ATG16L2: variants seen among roughly 807,000 people sequenced by gnomAD.
ATG16L2 encodes the protein autophagy related 16 like 2, also known as protein Atg16l2.
Under a neutral mutation model 84.7 loss-of-function variants are expected in ATG16L2, and 77 were observed. That is an observed-to-expected ratio of 0.91 (90% CI 0.76 to 1.10). ATG16L2 has a LOEUF of 1.10. Ranked by LOEUF, ATG16L2 falls within the 50% of genes least tolerant of loss-of-function variation. ATG16L2 has a pLI of 0.00. For synonymous variants in ATG16L2, 361 were observed against 342.8 expected, an observed-to-expected ratio of 1.05 and a Z score of -0.59; for missense variants, 782 against 817.6, an observed-to-expected ratio of 0.96 and a Z score of 0.53.
chr11:72,828,568 T>C, intron 15 of ATG16L2, 60 bp downstream of exon 15: 2 of 1,609,366 alleles, frequency 1.2e-6, no homozygotes, highest in South Asian at 2.2e-5. Context: ...GCCTCTCTTC[T>C]CCTGTAATAG....
At chr11:72,814,657 G>T (rs1859600181) in intron 1 of ATG16L2, 94 bp downstream of exon 1, 2 of 1,050,982 alleles carry the variant, frequency 1.9e-6, no homozygotes, top group Non-Finnish European at 2.7e-6. Flanking sequence ...CCTGTGACCC[G>T]AGTGCGCTGT....
intron 5 of ATG16L2, among the ~76,000 whole-genome samples, chr11:72,836,092 T>A (rs1860720806): frequency 6.6e-6 from 1 of 152,212 alleles, no homozygotes; most frequent in African/African-American, 2.4e-5. Flanking sequence ...CTTAAGAGTC[T>A]TATGCACAGG....
At chr11:72,829,204 A>G in intron 17 of ATG16L2, 99 bp from the exon 18 acceptor site, 1 of 1,334,606 alleles carries the variant, frequency 7.5e-7, no homozygotes, top group South Asian at 1.3e-5. Flanking sequence ...CAGGCTCAAG[A>G]GAGGGCCTCA....
At chr11:72,824,238 G>C (rs563936338) in intron 8 of ATG16L2, 116 bp downstream of exon 8, 1 of 1,326,054 alleles carries the variant, frequency 7.5e-7, no homozygotes, top group African/African-American at 1.4e-5. Flanking sequence ...CTGTCTGCCT[G>C]TGAGTCTGTT....
intron 10 of ATG16L2, 131 bp from the exon 11 acceptor site, chr11:72,826,042 C>T (rs1051357181): frequency 4.1e-6 from 3 of 726,198 alleles, no homozygotes; most frequent in East Asian, 2.7e-5. Context: ...ACAGACCCAG[C>T]GATTCTGTCT....
chr11:72,834,510 G>A (rs1274677473), downstream of ATG16L2, among the ~76,000 whole-genome samples: 1 of 151,964 alleles, frequency 6.6e-6, no homozygotes, highest in Non-Finnish European at 1.5e-5. Context: ...TTTGTGTGAT[G>A]TTCTCTGTAT....
rs370916472 is a variant in ATG16L2, at chr11:72,823,240, C to A, written c.824+279C>A. On this transcript the variant is annotated intron_variant, in intron 7 of 17. Transcript: ENST00000321297. ...GAGTCAGGCTTCTGAATAGCTGTCA[C>A]CAGGAGAGAACCTGTGGGCAAAGCC... 273 of 395,414 alleles carry A rather than the reference C, an allele frequency of 6.9e-4. 3 individuals carry two copies. Among genetic ancestry groups the A allele is most frequent in the South Asian group, 6.9e-3 (254 of 36,850 alleles). The allele number at this position is 395,414 out of a possible 1,614,324, so 24.5% of individuals were successfully genotyped here. A position where few individuals can be genotyped will look rare whatever the true frequency, so the allele number is the denominator to read the frequency against.
intron 17 of ATG16L2, 120 bp downstream of exon 17, chr11:72,829,104 A>G: frequency 8.6e-7 from 1 of 1,167,190 alleles, no homozygotes; most frequent in East Asian, 2.4e-5. Flanking sequence ...CCACCCGACC[A>G]GAGCCCTTTG....
chr11:72,816,875 C>T, intron 2 of ATG16L2, 48 bp downstream of exon 2: 1 of 1,493,388 alleles, frequency 6.7e-7, no homozygotes, highest in Non-Finnish European at 9.3e-7. Context: ...TGTGCTGGGG[C>T]CCTGCCCCTG....
chr11:72,830,485 TTTG>T (rs975422985), downstream of ATG16L2, among the ~76,000 whole-genome samples: 22 of 152,234 alleles, frequency 1.4e-4, no homozygotes, highest in Middle Eastern at 3.4e-3. Flanking sequence ...CAGAGTGACT[TTTG>T]TTGTTGTTGT....
Position 72,838,889 on chromosome 11 carries a change from A to G in ATG16L2, c.*22-3728A>G, listed in dbSNP as rs912810050. 3.1e-6 allele frequency: 5 copies of G among 1,599,368 alleles called. No individual in the cohort carries two copies. In the African/African-American group the frequency reaches 4.0e-5, roughly 13 times the overall value. On this transcript the variant is annotated intron_variant, in intron 5 of 5. Transcript: ENST00000534905. ...GCTGCCCGGACCTGAGCAGGAAACAATTACGTAGTTTGTCAGTCAGTTCCT... is the reference window on the plus strand; with the variant it reads ...GCTGCCCGGACCTGAGCAGGAAACAGTTACGTAGTTTGTCAGTCAGTTCCT...
intron 3 of ATG16L2, among the ~76,000 whole-genome samples, chr11:72,819,702 T>C (rs916064386): frequency 4.6e-5 from 7 of 152,062 alleles, no homozygotes; most frequent in Non-Finnish European, 1.0e-4. Flanking sequence ...CCAGTACCCA[T>C]TGGATGCGCC....
chr11:72,834,585 C>CT (rs750842866), downstream of ATG16L2, among the ~76,000 whole-genome samples: 522 of 142,738 alleles, frequency 3.7e-3, no homozygotes, highest in African/African-American at 7.0e-3. Context: ...CATTCCATTC[C>CT]TTTTTTTTTT....
intron 5 of ATG16L2, chr11:72,841,057 C>A: frequency 1.2e-6 from 1 of 860,062 alleles, no homozygotes; most frequent in Non-Finnish European, 1.9e-6. Flanking sequence ...AATCCCAGCA[C>A]TTTGGGATAC....
intron 14 of ATG16L2, among the ~76,000 whole-genome samples, chr11:72,827,790 G>A (rs1036677991): frequency 1.6e-4 from 24 of 152,270 alleles, no homozygotes; most frequent in African/African-American, 5.3e-4. Context: ...AATATTAGCC[G>A]GGTGTGGTGG....
At chr11:72,815,471 G>A (rs938494734) in intron 1 of ATG16L2, among the ~76,000 whole-genome samples, 5 of 152,108 alleles carry the variant, frequency 3.3e-5, no homozygotes, top group Non-Finnish European at 7.3e-5. Flanking sequence ...CAGTGGAACC[G>A]TCCAGTTTGA....
At chr11:72,826,452 C>T (rs1474504943) in intron 11 of ATG16L2, 66 bp from the exon 12 acceptor site, 2 of 1,597,002 alleles carry the variant, frequency 1.3e-6, no homozygotes, top group African/African-American at 2.7e-5. Context: ...CCCCTAGCCT[C>T]ATTCTGTGGC....
chr11:72,835,232 G>C (rs891766638), intron 5 of ATG16L2, among the ~76,000 whole-genome samples: 1 of 152,200 alleles, frequency 6.6e-6, no homozygotes, highest in Non-Finnish European at 1.5e-5. Flanking sequence ...ATGACATTTC[G>C]TGTCCTGACA....
chr11:72,823,957 G>C, intron 7 of ATG16L2, 103 bp from the exon 8 acceptor site: 4 of 1,292,994 alleles, frequency 3.1e-6, no homozygotes, highest in Admixed American at 1.7e-5. Context: ...AGACTTGAGA[G>C]GTTACAAGCC....
Sources: allele counts gnomAD v4.1 joint callset (sites outside exome capture counted in the v4.1 genomes callset), GRCh38; gene constraint gnomAD v4.1.1; transcripts MANE v1.5; gene names NCBI Gene and HGNC (gene_info 2026-07-23, HGNC 2026-07-21).